Variants in PPP2R1B observed in about 807,000 individuals in gnomAD.
PPP2R1B encodes the protein serine/threonine-protein phosphatase 2A 65 kDa regulatory subunit A beta isoform.
PPP2R1B carries 58 observed loss-of-function variants against 72.7 expected under a neutral mutation model. The observed-to-expected ratio is 0.80, with a 90% CI of 0.65 to 0.99. The LOEUF is 0.99. Ranked by LOEUF, PPP2R1B falls within the 50% of genes least tolerant of loss-of-function variation. The pLI is 0.00. For missense variants in PPP2R1B, 695 were observed against 733.6 expected (o/e 0.95, Z 0.61); for synonymous variants, 256 against 264.6 (o/e 0.97, Z 0.32).
At chr11:111,766,024 G>C (rs1945520571) in intron 1 of PPP2R1B, 2 of 595,888 alleles carry the variant, frequency 3.4e-6, no homozygotes, top group Non-Finnish European at 6.1e-6. Context: ...GCTCCGGGCG[G>C]ACGCCTCAGG....
the PPP2R1B span, chr11:111,704,974 T>G: frequency 8.8e-6 from 14 of 1,595,700 alleles, no homozygotes; most frequent in Non-Finnish European, 1.2e-5. Context: ...TTACCACTTG[T>G]TTTTTATTTC....
Position 111,752,241 on chromosome 11 carries a change from GC to G in PPP2R1B, c.1255del (p.Ala419ProfsTer2). On this transcript the variant is annotated frameshift_variant, in exon 10 of 15. Coordinates refer to ENST00000527614, the MANE Select transcript of PPP2R1B (RefSeq NM_002716.5). LOFTEE classifies it high-confidence loss of function. ...GGCATCTTCTGCCAGCTCCACTATG[GC>G]AGGAAGGAGAGACTGAGAGAGCTGA... ...IRQLSQSLLP[A>X]IVELAEDAKW... The G allele has an allele frequency of 6.2e-7, 1 of 1,614,078 alleles. No individual in the cohort carries two copies. The highest frequency in any genetic ancestry group is 8.5e-7 in the Non-Finnish European group (1 of 1,179,994).
the PPP2R1B span, chr11:111,701,438 G>A: frequency 1.2e-6 from 2 of 1,609,704 alleles, no homozygotes; most frequent in East Asian, 2.2e-5. This position sits in a 1 kb window ranked among gnomAD's most constrained non-coding sequence, Gnocchi z 4.2. Flanking sequence ...TCTCTGCATT[G>A]TTTTCTTCCC....
intron 10 of PPP2R1B, among the ~76,000 whole-genome samples, chr11:111,750,925 G>A (rs1359810297): frequency 6.6e-6 from 1 of 151,554 alleles, no homozygotes; most frequent in Admixed American, 6.6e-5. Flanking sequence ...TGCAGCCTTC[G>A]CCTCCTGGGT....
downstream of PPP2R1B, chr11:111,737,355 C>G: frequency 6.3e-7 from 1 of 1,577,796 alleles, no homozygotes; most frequent in Non-Finnish European, 8.6e-7. Flanking sequence ...GCTGCTTCTC[C>G]GCCTACCCTG....
the PPP2R1B span, chr11:111,712,506 G>A: frequency 1.1e-6 from 1 of 944,280 alleles, no homozygotes; most frequent in African/African-American, 1.7e-5. Flanking sequence ...TGCTTTTGTG[G>A]AGAAAAACCT....
chr11:111,716,902 C>T, the PPP2R1B span, among the ~76,000 whole-genome samples: 1 of 152,134 alleles, frequency 6.6e-6, no homozygotes, highest in African/African-American at 2.4e-5. Context: ...GGTCTAATAT[C>T]CAGCCCATAA....
downstream of PPP2R1B, chr11:111,722,522 C>T: frequency 1.3e-6 from 1 of 764,078 alleles, no homozygotes; most frequent in Non-Finnish European, 2.1e-6. The surrounding 1 kb of genome is among the most constrained non-coding windows in gnomAD (Gnocchi z 4.4). Context: ...TTCAGGGTCT[C>T]AGGGAGTAAA....
chr11:111,712,133 A>G, the PPP2R1B span: 1 of 1,390,846 alleles, frequency 7.2e-7, no homozygotes, highest in East Asian at 2.3e-5. Flanking sequence ...AGGAAGAATT[A>G]TTTTATTCTT....
chr11:111,747,253 A>AC (rs1944735002), intron 11 of PPP2R1B, among the ~76,000 whole-genome samples: 2 of 152,298 alleles, frequency 1.3e-5, no homozygotes, highest in African/African-American at 4.8e-5. Flanking sequence ...TCTGGCAGAG[A>AC]CGGTACATCT....
the PPP2R1B span, among the ~76,000 whole-genome samples, chr11:111,702,577 A>T: frequency 6.6e-6 from 1 of 152,204 alleles, no homozygotes; most frequent in African/African-American, 2.4e-5. Flanking sequence ...TCCAATAATA[A>T]TATAATAAAT....
downstream of PPP2R1B, among the ~76,000 whole-genome samples, chr11:111,733,912 G>A (rs1003125956): frequency 2.6e-5 from 4 of 152,140 alleles, no homozygotes; most frequent in Non-Finnish European, 4.4e-5. Context: ...CACCCAGCCC[G>A]GGAGCCACCA....
In PPP2R1B at chr11:111,738,533, C is replaced by T. The variant is rs1211483216; in HGVS notation, c.*3063G>A. 6.1e-6 allele frequency: 6 copies of T among 985,474 alleles called. No individual in the cohort carries two copies. Among genetic ancestry groups the T allele is most frequent in the African/African-American group, 1.7e-5 (1 of 57,364 alleles). 61.0% of individuals were successfully genotyped at this position (985,474 alleles called of 1,614,324 possible). On this transcript the variant is annotated 3_prime_UTR_variant, in exon 15 of 15. Coordinates refer to ENST00000527614, the MANE Select transcript of PPP2R1B (RefSeq NM_002716.5). ...AAGTCTACGCAAGCAACCTGAATGC[C>T]TGGACAAGCCAGCTCAAAGGTCAGG... is the stretch of plus-strand genomic sequence containing the variant.
chr11:111,691,361 ATACT>A, the PPP2R1B span, among the ~76,000 whole-genome samples: 21 of 152,326 alleles, frequency 1.4e-4, 1 homozygote, highest in African/African-American at 5.1e-4. Flanking sequence ...ATTCTGCTAG[ATACT>A]TACTTCATCT....
chr11:111,722,033 A>C (rs1943817945), downstream of PPP2R1B: 1 of 956,258 alleles, frequency 1.0e-6, no homozygotes, highest in Non-Finnish European at 1.5e-6. This position sits in a 1 kb window ranked among gnomAD's most constrained non-coding sequence, Gnocchi z 4.4. Flanking sequence ...GCATTTATTT[A>C]GGGTAGCTGC....
At chr11:111,700,817 T>G in the PPP2R1B span, 67 of 1,575,118 alleles carry the variant, frequency 4.3e-5, no homozygotes, top group Non-Finnish European at 5.7e-5. Context: ...TATTAGAAAA[T>G]TTATTACAGA....
Position 111,755,425 on chromosome 11 carries a change from T to TCCA in PPP2R1B, c.710_712dup (p.Val237dup). 6.2e-7 allele frequency: 1 copy of TCCA among 1,609,568 alleles called. No homozygotes were observed. The highest frequency in any genetic ancestry group is 8.5e-7 in the Non-Finnish European group (1 of 1,178,962). On this transcript the variant is annotated inframe_insertion, in exon 6 of 15. Transcript: ENST00000527614. ...TAACTGGGCAATACTGACACAAGCT[T>TCCA]CCACAGCAAGGAGGCGCACTGAATC... is the stretch of plus-strand genomic sequence containing the variant.
chr11:111,730,755 C>CAAAT (rs933206386), intron 15 of PPP2R1B: 13 of 152,070 alleles, frequency 8.5e-5, no homozygotes, highest in Admixed American at 5.9e-4. Flanking sequence ...ATCTCTGTAC[C>CAAAT]AAATAGTAAT....
chr11:111,739,341 G>T lies in PPP2R1B; in HGVS notation c.*2255C>A. ...AGGAGAACTTTTCCCTTAAGTTTAAGGTAGTTAAAAAAAAAAATAGGAGAA... is the reference window on the plus strand; with the variant it reads ...AGGAGAACTTTTCCCTTAAGTTTAATGTAGTTAAAAAAAAAAATAGGAGAA... On this transcript the variant is annotated 3_prime_UTR_variant, in exon 15 of 15. Transcript: ENST00000527614. 1.1e-6 allele frequency: 1 copy of T among 929,494 alleles called. No homozygotes were observed. Among genetic ancestry groups the T allele is most frequent in the Non-Finnish European group, 1.2e-6 (1 of 801,592 alleles). The allele number at this position is 929,494 out of a possible 1,614,324, so 57.6% of individuals were successfully genotyped here.
Sources: allele counts gnomAD v4.1 joint callset (sites outside exome capture counted in the v4.1 genomes callset), GRCh38; gene constraint gnomAD v4.1.1; non-coding constraint Gnocchi (gnomAD v3.1); transcripts MANE v1.5; gene names NCBI Gene and HGNC (gene_info 2026-07-23, HGNC 2026-07-21).